BBS9: variants seen among roughly 807,000 people sequenced by gnomAD.
BBS9 encodes the protein Bardet-Biedl syndrome 9, also known as protein PTHB1.
A neutral mutation model predicts 117.7 loss-of-function variants in BBS9; 89 were observed. The observed-to-expected ratio is 0.76, with a 90% CI of 0.64 to 0.90. The LOEUF is 0.90. BBS9 is among the 40% of genes least tolerant of loss of function. The pLI is 0.00. For synonymous variants in BBS9, 379 were observed against 370.9 expected (o/e 1.02, Z -0.25); for missense variants, 982 against 1,042.2 (o/e 0.94, Z 0.80).
chr7:33,211,631 A>T (rs1788034782), intron 5 of BBS9, among the ~76,000 whole-genome samples: 1 of 152,154 alleles, frequency 6.6e-6, no homozygotes, highest in Non-Finnish European at 1.5e-5. Context: ...AGAGTAGTTT[A>T]CCCATCATGA....
intron 21 of BBS9, among the ~76,000 whole-genome samples, chr7:33,561,255 A>G (rs534370248): frequency 1.0e-3 from 152 of 152,262 alleles, no homozygotes; most frequent in African/African-American, 3.4e-3. Flanking sequence ...CCATTGTCCA[A>G]TATTCTTCTC....
At chr7:33,545,000 C>A (rs1853059369) in intron 21 of BBS9, among the ~76,000 whole-genome samples, 1 of 152,058 alleles carries the variant, frequency 6.6e-6, no homozygotes, top group African/African-American at 2.4e-5. Flanking sequence ...ACAGGCCTTA[C>A]CCAGCTCCCA....
At chr7:33,499,551 G>A (rs903732848) in intron 19 of BBS9, among the ~76,000 whole-genome samples, 3 of 152,284 alleles carry the variant, frequency 2.0e-5, no homozygotes, top group East Asian at 3.9e-4. Context: ...GGAGATTAGC[G>A]AAGCTGAAAC....
Position 33,363,189 on chromosome 7 carries a change from G to A in BBS9, c.1694-4578G>A, listed in dbSNP as rs566689839. Among the ~76,000 whole-genome samples, 5 of 152,102 alleles carry A rather than the reference G, an allele frequency of 3.3e-5. No individual in the cohort carries two copies. In the South Asian group the frequency reaches 1.0e-3, roughly 32 times the overall value. On this transcript the variant is annotated intron_variant, in intron 16 of 22. Coordinates refer to ENST00000242067, the MANE Select transcript of BBS9 (RefSeq NM_198428.3). ...ACAATCTCGTCTCACTGCACCCTTCGCCTCCCAGGTTCAAGCAATTCTCCT... is the reference window on the plus strand; with the variant it reads ...ACAATCTCGTCTCACTGCACCCTTCACCTCCCAGGTTCAAGCAATTCTCCT...
chr7:33,211,513 T>C (rs986034729), intron 5 of BBS9, among the ~76,000 whole-genome samples: 5 of 152,220 alleles, frequency 3.3e-5, no homozygotes, highest in African/African-American at 1.2e-4. Context: ...ATCCCCCTGC[T>C]TTTTAACTTT....
intron 18 of BBS9, among the ~76,000 whole-genome samples, chr7:33,386,688 G>C (rs986161000): frequency 1.3e-5 from 2 of 151,728 alleles, no homozygotes; most frequent in Non-Finnish European, 2.9e-5. Flanking sequence ...TAGAGACGGG[G>C]TTTCACTGTG....
At chr7:33,179,977 C>T (rs181827443) in intron 5 of BBS9, among the ~76,000 whole-genome samples, 1 of 152,210 alleles carries the variant, frequency 6.6e-6, no homozygotes, top group Admixed American at 6.5e-5. Flanking sequence ...TAGCCTTTTC[C>T]ACCAGTTTTA....
At chr7:33,150,792 A>T (rs1187196302) in intron 2 of BBS9, among the ~76,000 whole-genome samples, 1 of 152,206 alleles carries the variant, frequency 6.6e-6, no homozygotes, top group Non-Finnish European at 1.5e-5. Context: ...ATGCAGCAAC[A>T]TCAAGTGCTG....
intron 18 of BBS9, among the ~76,000 whole-genome samples, chr7:33,386,977 T>A (rs1477939746): frequency 6.6e-6 from 1 of 152,148 alleles, no homozygotes; most frequent in East Asian, 1.9e-4. Context: ...TTTCTTTTTT[T>A]TAAATAAAAA....
At chr7:33,607,743 T>G (rs1864658165), downstream of BBS9, among the ~76,000 whole-genome samples, 4 of 152,226 alleles carry the variant, frequency 2.6e-5, no homozygotes, top group South Asian at 8.3e-4. Flanking sequence ...AAATTACTGA[T>G]AGTTTGCAAA....
chr7:33,348,033 G>A (rs181885329), intron 12 of BBS9, among the ~76,000 whole-genome samples: 1 of 151,980 alleles, frequency 6.6e-6, no homozygotes, highest in Non-Finnish European at 1.5e-5. Context: ...CTTAGTTAAA[G>A]TTACAATCCG....
intron 16 of BBS9, among the ~76,000 whole-genome samples, chr7:33,360,581 CACAATCATGGCTT>C (rs1288958062): frequency 5.4e-5 from 8 of 147,486 alleles, no homozygotes; most frequent in Non-Finnish European, 8.9e-5. Flanking sequence ...AGTGCGGTGG[CACAATCATGGCTT>C]ACTGCAGCCT....
chr7:33,460,172 A>G (rs1005464968), intron 19 of BBS9, among the ~76,000 whole-genome samples: 1 of 152,122 alleles, frequency 6.6e-6, no homozygotes, highest in Non-Finnish European at 1.5e-5. Context: ...AGTGTGTGAA[A>G]ATCTGCATAA....
chr7:33,379,302 G>A (rs1353744178), intron 17 of BBS9, among the ~76,000 whole-genome samples: 1 of 152,088 alleles, frequency 6.6e-6, no homozygotes, highest in Non-Finnish European at 1.5e-5. Flanking sequence ...TTCTTTAAAC[G>A]TGTGATAATA....
At position 33,272,902 on chromosome 7, in the gene BBS9, CTTT is replaced by C. The variant is rs1800065700; in HGVS notation, c.703-109_703-107del. The C allele has an allele frequency of 5.6e-6, 6 of 1,065,684 alleles. No individual in the cohort carries two copies. The Admixed American group carries it at 6.9e-5, about 12-fold the overall frequency. 66.0% of individuals were successfully genotyped at this position (1,065,684 alleles called of 1,614,324 possible). On this transcript the variant is annotated intron_variant, in intron 7 of 22. Transcript: ENST00000242067. ...AAAGAAATGAAAGAGATTAGCCCAT[CTTT>C]ATATTTCTGCTTTGTTGTAAAGCAA... is the stretch of plus-strand genomic sequence containing the variant.
chr7:33,335,951 C>G (rs187919879), intron 9 of BBS9, among the ~76,000 whole-genome samples: 1 of 152,096 alleles, frequency 6.6e-6, no homozygotes, highest in Non-Finnish European at 1.5e-5. Flanking sequence ...GCAAGACCTC[C>G]GATGGCTTCC....
At chr7:33,184,802 G>A (rs558190736) in intron 5 of BBS9, among the ~76,000 whole-genome samples, 44 of 152,312 alleles carry the variant, frequency 2.9e-4, no homozygotes, top group African/African-American at 1.0e-3. Context: ...AGTTCATAGA[G>A]TAAAGTGACA....
chr7:33,344,648 T>A lies in BBS9; in HGVS notation c.1329+14T>A, dbSNP rs757782253. 1.2e-6 allele frequency: 2 copies of A among 1,611,830 alleles called. No individual in the cohort carries two copies. The highest frequency in any genetic ancestry group is 2.2e-5 in the South Asian group (2 of 91,028). ...GTCACGGTGAAGGTATTGTACCAGATTTTAGACTGTAATGTGCAAACAATA... is the reference window on the plus strand; with the variant it reads ...GTCACGGTGAAGGTATTGTACCAGAATTTAGACTGTAATGTGCAAACAATA... On this transcript the variant is annotated intron_variant, in intron 12 of 22. Coordinates refer to ENST00000242067, the MANE Select transcript of BBS9 (RefSeq NM_198428.3).
intron 5 of BBS9, among the ~76,000 whole-genome samples, chr7:33,211,596 T>G (rs1051796475): frequency 5.9e-5 from 9 of 152,228 alleles, no homozygotes; most frequent in Non-Finnish European, 1.3e-4. Flanking sequence ...GATTGGTTCA[T>G]CATTTAGTCT....
Sources: allele counts gnomAD v4.1 joint callset (sites outside exome capture counted in the v4.1 genomes callset), GRCh38; gene constraint gnomAD v4.1.1; transcripts MANE v1.5; gene names NCBI Gene and HGNC (gene_info 2026-07-23, HGNC 2026-07-21).